SVIL: variants seen among roughly 807,000 people sequenced by gnomAD.
The protein encoded by SVIL is archvillin.
SVIL carries 101 observed loss-of-function variants against 240.4 expected under a neutral mutation model. That is an observed-to-expected ratio of 0.42 (90% CI 0.36 to 0.50). The LOEUF (loss-of-function observed/expected upper bound fraction) is 0.50, where lower values mean the gene tolerates loss of function less well. SVIL is among the 20% of genes least tolerant of loss of function. The pLI is 0.01. For synonymous variants in SVIL, 999 were observed against 1,100.0 expected (o/e 0.91, Z 1.82); for missense variants, 2,512 against 2,818.7 (o/e 0.89, Z 2.46).
chr10:29,616,243 C>T (rs1021786784), intron 1 of SVIL, among the ~76,000 whole-genome samples: 2 of 152,144 alleles, frequency 1.3e-5, no homozygotes, highest in African/African-American at 4.8e-5. Context: ...CACCATGTTG[C>T]ACGGGCTGGT....
intron 1 of SVIL, among the ~76,000 whole-genome samples, chr10:29,632,840 AAC>A (rs3030634): frequency 0.029 from 4,367 of 150,884 alleles, 73 homozygotes; most frequent in Middle Eastern, 0.048. Flanking sequence ...AATTATCTTT[AAC>A]ACACACACAC....
At chr10:29,673,468 A>G (rs533658443) in intron 2 of SVIL, among the ~76,000 whole-genome samples, 3 of 152,074 alleles carry the variant, frequency 2.0e-5, no homozygotes, top group African/African-American at 7.2e-5. Context: ...ATTTATACAG[A>G]AAAGAGGGTT....
chr10:29,552,828 T>A (rs368652514), intron 5 of SVIL, among the ~76,000 whole-genome samples: 35 of 152,176 alleles, frequency 2.3e-4, no homozygotes, highest in East Asian at 7.7e-4. Flanking sequence ...CAAACCCATT[T>A]TTTTCATTAT....
At chr10:29,732,727 C>A (rs1439795524) in intron 1 of SVIL, among the ~76,000 whole-genome samples, 1 of 152,204 alleles carries the variant, frequency 6.6e-6, no homozygotes, top group Non-Finnish European at 1.5e-5. Context: ...AGGAAATGGT[C>A]CCTCTTCCCA....
At chr10:29,561,991 C>CCTAT (rs1466418812) in intron 3 of SVIL, among the ~76,000 whole-genome samples, 1 of 152,174 alleles carries the variant, frequency 6.6e-6, no homozygotes, top group Non-Finnish European at 1.5e-5. Flanking sequence ...TGTGTCTCGG[C>CCTAT]CTATCACCCG....
intron 16 of SVIL, 57 bp from the exon 17 acceptor site, chr10:29,512,918 G>A: frequency 3.2e-6 from 5 of 1,585,936 alleles, no homozygotes; most frequent in South Asian, 1.1e-5. Context: ...TCCTTGTGAT[G>A]GAACCATAAT....
intron 2 of SVIL, 137 bp from the exon 3 acceptor site, chr10:29,563,429 A>T: frequency 4.9e-6 from 1 of 203,904 alleles, no homozygotes; most frequent in Non-Finnish European, 8.7e-6. Flanking sequence ...AATGTTTTAT[A>T]TTGGGGAGTA....
chr10:29,471,658 A>C (rs1182529821), intron 30 of SVIL, among the ~76,000 whole-genome samples: 1 of 152,252 alleles, frequency 6.6e-6, no homozygotes, highest in Non-Finnish European at 1.5e-5. Context: ...CTTGGTAATA[A>C]TTCTAGGGAA....
chr10:29,459,500 T>TA (rs896107786), intron 36 of SVIL, among the ~76,000 whole-genome samples: 1 of 151,986 alleles, frequency 6.6e-6, no homozygotes, highest in African/African-American at 2.4e-5. Context: ...AAATAAATAT[T>TA]AAAAAATAAC....
At chr10:29,670,059 G>A (rs1246603038) in intron 2 of SVIL, among the ~76,000 whole-genome samples, 2 of 151,668 alleles carry the variant, frequency 1.3e-5, no homozygotes, top group Non-Finnish European at 2.9e-5. Flanking sequence ...AGGTTGCAGT[G>A]AGCCATGATT....
At chr10:29,506,729 A>AGGAGGGGACAGAGGGCCTAGAG (rs1949351581) in intron 17 of SVIL, among the ~76,000 whole-genome samples, 3 of 92,280 alleles carry the variant, frequency 3.3e-5, no homozygotes, top group Admixed American at 1.1e-4. Context: ...GACTCTACGA[A>AGGAGGGGACAGAGGGCCTAGAG]GGAGGGGACA....
At chr10:29,558,450 G>A (rs768059427) in intron 3 of SVIL, among the ~76,000 whole-genome samples, 10 of 152,048 alleles carry the variant, frequency 6.6e-5, no homozygotes, top group Non-Finnish European at 1.3e-4. Flanking sequence ...ATTCTTTCTA[G>A]CAAATATATT....
chr10:29,503,663 T>C (rs1394203452), intron 17 of SVIL, among the ~76,000 whole-genome samples: 1 of 152,258 alleles, frequency 6.6e-6, no homozygotes, highest in South Asian at 2.1e-4. Flanking sequence ...TTTGAAGTGA[T>C]GAAACAGAAA....
chr10:29,481,489 A>G, intron 28 of SVIL, 95 bp downstream of exon 28: 1 of 1,499,284 alleles, frequency 6.7e-7, no homozygotes, highest in Non-Finnish European at 9.1e-7. Context: ...GGTGACAGCC[A>G]TACGAACTAT....
chr10:29,503,227 C>T (rs1238041679), intron 17 of SVIL, among the ~76,000 whole-genome samples: 2 of 152,172 alleles, frequency 1.3e-5, no homozygotes, highest in Non-Finnish European at 2.9e-5. Flanking sequence ...TTCAGTCCCT[C>T]GTCACTGCAT....
intron 1 of SVIL, among the ~76,000 whole-genome samples, chr10:29,693,400 A>T (rs1322560674): frequency 6.6e-6 from 1 of 152,222 alleles, no homozygotes; most frequent in African/African-American, 2.4e-5. Flanking sequence ...CTACCCCTTC[A>T]CAGGCACGCA....
intron 6 of SVIL, among the ~76,000 whole-genome samples, chr10:29,549,745 C>A (rs1953061608): frequency 7.0e-6 from 1 of 143,700 alleles, no homozygotes. Flanking sequence ...AGCTGGAAAC[C>A]ATCATTCTCA....
intron 1 of SVIL, among the ~76,000 whole-genome samples, chr10:29,613,125 G>C (rs1398739394): frequency 6.7e-6 from 1 of 148,974 alleles, no homozygotes; most frequent in Non-Finnish European, 1.5e-5. Flanking sequence ...GCAGTGAGCT[G>C]AGATTGTGCC....
At chr10:29,652,227 C>T (rs1958862003) in intron 3 of SVIL, among the ~76,000 whole-genome samples, 2 of 152,162 alleles carry the variant, frequency 1.3e-5, no homozygotes. Context: ...CACCCCCTGT[C>T]GTAGGCAACC....
Sources: gnomAD v4.1 joint callset for allele counts (sites outside exome capture counted in the v4.1 genomes callset) on GRCh38, gnomAD v4.1.1 for gene constraint, MANE v1.5 for transcripts, NCBI Gene and HGNC (gene_info 2026-07-23, HGNC 2026-07-21) for gene names.